The following SPATA16 variants were observed in gnomAD, a reference collection of about 807,000 sequenced individuals.
SPATA16 encodes the protein spermatogenesis-associated protein 16.
SPATA16 carries 36 observed loss-of-function variants against 63.3 expected under a neutral mutation model. The ratio of observed to expected loss-of-function variants is 0.57; its 90% confidence interval spans 0.44 to 0.75. SPATA16 has a LOEUF of 0.75. Ranked by LOEUF, SPATA16 falls within the 30% of genes least tolerant of loss-of-function variation. The pLI, the probability that SPATA16 is intolerant of heterozygous loss-of-function variation, is 0.00. For missense variants in SPATA16, 646 were observed against 679.3 expected (o/e 0.95, Z 0.54); for synonymous variants, 203 against 216.7 (o/e 0.94, Z 0.56).
chr3:173,097,197 C>T (rs1438521495), intron 2 of SPATA16, among the ~76,000 whole-genome samples: 3 of 152,154 alleles, frequency 2.0e-5, no homozygotes, highest in Non-Finnish European at 4.4e-5. Flanking sequence ...CACATAGTCA[C>T]TTAGTAGCCT....
intron 10 of SPATA16, among the ~76,000 whole-genome samples, chr3:172,906,625 T>C (rs902637453): frequency 1.3e-5 from 2 of 152,174 alleles, no homozygotes; most frequent in African/African-American, 4.8e-5. Flanking sequence ...AGCACAAAAC[T>C]TGGGCTTTTA....
intron 1 of SPATA16, among the ~76,000 whole-genome samples, chr3:173,121,838 G>T (rs1738081685): frequency 6.6e-6 from 1 of 152,080 alleles, no homozygotes; most frequent in Non-Finnish European, 1.5e-5. Context: ...TTGGTCTTGG[G>T]TGAAGTACAT....
chr3:173,000,194 A>G (rs1431625272), intron 4 of SPATA16, among the ~76,000 whole-genome samples: 1 of 152,246 alleles, frequency 6.6e-6, no homozygotes, highest in East Asian at 1.9e-4. Flanking sequence ...GTGAGGACAT[A>G]GAAGGAGCCA....
intron 4 of SPATA16, among the ~76,000 whole-genome samples, chr3:173,001,664 G>C (rs959581576): frequency 6.6e-6 from 1 of 152,136 alleles, no homozygotes; most frequent in Admixed American, 6.5e-5. Flanking sequence ...AGTGGTTCCT[G>C]ATGAGGTTTC....
chr3:172,962,206 T>C (rs1000853270), intron 5 of SPATA16, among the ~76,000 whole-genome samples: 2 of 130,158 alleles, frequency 1.5e-5, no homozygotes, highest in Admixed American at 8.8e-5. Context: ...TGAGCAGAGA[T>C]TAAGACCACT....
chr3:172,893,535 C>G (rs1184547274), intron 10 of SPATA16, among the ~76,000 whole-genome samples: 1 of 152,184 alleles, frequency 6.6e-6, no homozygotes, highest in Non-Finnish European at 1.5e-5. Context: ...GTTGTTTAAG[C>G]CCCTCAGTTT....
intron 6 of SPATA16, among the ~76,000 whole-genome samples, chr3:172,953,131 A>G (rs910290325): frequency 3.3e-5 from 5 of 152,106 alleles, no homozygotes; most frequent in Non-Finnish European, 5.9e-5. Flanking sequence ...AAAGGGAAAA[A>G]TATGGTCCAA....
intron 10 of SPATA16, among the ~76,000 whole-genome samples, chr3:172,905,819 A>G (rs367963980): frequency 4.5e-4 from 69 of 152,324 alleles, no homozygotes; most frequent in African/African-American, 1.6e-3. Context: ...GTACTATATT[A>G]TATTAGATGA....
At position 172,944,158 on chromosome 3, in the gene SPATA16, G is replaced by A. The variant is rs142678538; in HGVS notation, c.1081+12519C>T. On this transcript the variant is annotated intron_variant, in intron 6 of 10. Transcript: ENST00000351008. ...AATACATAAAGAACCCCTACAATTC[G>A]AAAACAGCAACAAAAAACAACTCAA... 2.5e-3 allele frequency among the ~76,000 whole-genome samples: 384 copies of A among 152,102 alleles called. 1 individual carries two copies. The highest frequency in any genetic ancestry group is 0.014 in the Middle Eastern group (4 of 294).
At chr3:172,903,692 G>T (rs918471476) in intron 10 of SPATA16, among the ~76,000 whole-genome samples, 2 of 152,146 alleles carry the variant, frequency 1.3e-5, no homozygotes, top group African/African-American at 4.8e-5. Context: ...GCAGAAAGAG[G>T]GAAAATAGTG....
At chr3:172,895,536 ATTTTGCTCAGGCTGGTCTTGAACT>A in intron 10 of SPATA16, among the ~76,000 whole-genome samples, 1 of 152,002 alleles carries the variant, frequency 6.6e-6, no homozygotes, top group South Asian at 2.1e-4. Context: ...GGGTTTCACC[ATTTTGCTCAGGCTGGTCTTGAACT>A]CCTGGCCTCA....
At chr3:173,012,190 C>G (rs1430085266) in intron 4 of SPATA16, among the ~76,000 whole-genome samples, 2 of 152,062 alleles carry the variant, frequency 1.3e-5, no homozygotes, top group Non-Finnish European at 2.9e-5. Context: ...TTACAATAAC[C>G]ACACATACAA....
chr3:173,009,768 A>G (rs1735022355), intron 4 of SPATA16, among the ~76,000 whole-genome samples: 1 of 152,256 alleles, frequency 6.6e-6, no homozygotes, highest in Admixed American at 6.5e-5. Context: ...TGAACAAAGA[A>G]TTAGAGAAAA....
At chr3:172,945,806 G>A (rs1733270004) in intron 6 of SPATA16, among the ~76,000 whole-genome samples, 1 of 152,188 alleles carries the variant, frequency 6.6e-6, no homozygotes, top group Non-Finnish European at 1.5e-5. Context: ...TTGAAAGGTA[G>A]TCTAGGCTAC....
At chr3:173,102,902 A>G (rs1425570234) in intron 2 of SPATA16, among the ~76,000 whole-genome samples, 1 of 152,222 alleles carries the variant, frequency 6.6e-6, no homozygotes, top group Non-Finnish European at 1.5e-5. Flanking sequence ...GTAAAATATA[A>G]ACAAGTTATT....
At chr3:173,139,517 A>G (rs1738642094) in intron 1 of SPATA16, among the ~76,000 whole-genome samples, 2 of 152,254 alleles carry the variant, frequency 1.3e-5, no homozygotes, top group African/African-American at 4.8e-5. Flanking sequence ...AAAAGGATTT[A>G]AAAACCCTTG....
At chr3:172,924,349 T>A in intron 7 of SPATA16, 32 bp from the exon 8 acceptor site, 1 of 1,516,312 alleles carries the variant, frequency 6.6e-7, no homozygotes, top group Non-Finnish European at 9.1e-7. Flanking sequence ...TTTTATACTA[T>A]TTTCTCCAGA....
intron 2 of SPATA16, among the ~76,000 whole-genome samples, chr3:173,086,450 G>T (rs1577167053): frequency 6.6e-6 from 1 of 152,024 alleles, no homozygotes; most frequent in Non-Finnish European, 1.5e-5. Flanking sequence ...AATGTAGCTA[G>T]TAGTCTATCT....
intron 2 of SPATA16, among the ~76,000 whole-genome samples, chr3:173,055,645 G>A (rs1293973715): frequency 6.6e-6 from 1 of 152,200 alleles, no homozygotes; most frequent in Admixed American, 6.5e-5. Context: ...AATGAATCCT[G>A]TAGTGAGGGA....
Sources: gnomAD v4.1 joint callset for allele counts (sites outside exome capture counted in the v4.1 genomes callset) on GRCh38, gnomAD v4.1.1 for gene constraint, MANE v1.5 for transcripts, NCBI Gene and HGNC (gene_info 2026-07-23, HGNC 2026-07-21) for gene names.